LHFPL3: variants seen among roughly 807,000 people sequenced by gnomAD.
The protein encoded by LHFPL3 is LHFPL tetraspan subfamily member 3 protein.
In LHFPL3, 5 loss-of-function variants were observed where a neutral mutation model predicts 19.3. The observed-to-expected ratio is 0.26, with a 90% CI of 0.14 to 0.54. The LOEUF is 0.54. Ranked by LOEUF, LHFPL3 falls within the 20% of genes least tolerant of loss-of-function variation. The pLI, the probability that LHFPL3 is intolerant of heterozygous loss-of-function variation, is 0.94. For synonymous variants in LHFPL3, 133 were observed against 126.2 expected (o/e 1.05, Z -0.36); for missense variants, 249 against 307.4 (o/e 0.81, Z 1.42).
At chr7:104,498,363 C>T (rs1793529172) in intron 1 of LHFPL3, among the ~76,000 whole-genome samples, 3 of 152,206 alleles carry the variant, frequency 2.0e-5, no homozygotes, top group African/African-American at 7.2e-5. Context: ...TCACTCATTT[C>T]TGCCTTTCAT....
At chr7:104,765,083 A>G (rs963311129) in intron 2 of LHFPL3, among the ~76,000 whole-genome samples, 5 of 152,232 alleles carry the variant, frequency 3.3e-5, no homozygotes, top group African/African-American at 1.2e-4. Context: ...CTTGTGTTCT[A>G]AAAGAAGCAA....
chr7:104,714,839 G>A (rs1562971316), intron 1 of LHFPL3, among the ~76,000 whole-genome samples: 1 of 152,184 alleles, frequency 6.6e-6, no homozygotes, highest in African/African-American at 2.4e-5. Context: ...TTCTTAAAAT[G>A]TATAAAGAAC....
chr7:104,889,366 G>A (rs760233193), intron 2 of LHFPL3, among the ~76,000 whole-genome samples: 30 of 152,142 alleles, frequency 2.0e-4, no homozygotes, highest in East Asian at 3.9e-4. Context: ...CAGGCCGAGC[G>A]TGGTGGCTCA....
At chr7:104,627,028 T>G (rs1204258210) in intron 1 of LHFPL3, among the ~76,000 whole-genome samples, 1 of 152,188 alleles carries the variant, frequency 6.6e-6, no homozygotes, top group South Asian at 2.1e-4. Flanking sequence ...AAGTATATAA[T>G]ACGTTATTAT....
At chr7:104,712,121 A>G (rs1584492426) in intron 1 of LHFPL3, among the ~76,000 whole-genome samples, 1 of 152,220 alleles carries the variant, frequency 6.6e-6, no homozygotes, top group South Asian at 2.1e-4. Context: ...GATAGACCCA[A>G]TTTAATCATA....
chr7:104,347,854 A>G (rs747412017), intron 1 of LHFPL3, among the ~76,000 whole-genome samples: 5 of 151,648 alleles, frequency 3.3e-5, no homozygotes, highest in Non-Finnish European at 7.4e-5. Flanking sequence ...ATCGCCCATT[A>G]CACTCTAGCC....
At chr7:104,411,180 A>G (rs1184231806) in intron 1 of LHFPL3, among the ~76,000 whole-genome samples, 1 of 152,144 alleles carries the variant, frequency 6.6e-6, no homozygotes, top group East Asian at 1.9e-4. Context: ...ATGGTTTTGA[A>G]TATATTAACC....
chr7:104,879,617 C>T (rs989292555), intron 2 of LHFPL3, among the ~76,000 whole-genome samples: 5 of 152,038 alleles, frequency 3.3e-5, no homozygotes, highest in South Asian at 2.1e-4. Flanking sequence ...CCTAGCTACT[C>T]GAGAGGCTGA....
At chr7:104,891,227 C>A (rs775369067) in intron 2 of LHFPL3, among the ~76,000 whole-genome samples, 20 of 151,988 alleles carry the variant, frequency 1.3e-4, no homozygotes, top group Non-Finnish European at 2.5e-4. Context: ...GCAGCCCCCA[C>A]AATCACAGCA....
At position 104,668,923 on chromosome 7, in the gene LHFPL3, A is replaced by T. The variant is rs1389166695; in HGVS notation, c.446-67752A>T. ...GTTGCAGCGTCAGCTGGATGGGCCA[A>T]AACTAGAACGACGGCCTCGGGAGAG... is the stretch of plus-strand genomic sequence containing the variant. On this transcript the variant is annotated intron_variant, in intron 1 of 2. Coordinates refer to ENST00000424859, the MANE Select transcript of LHFPL3 (RefSeq NM_199000.3). 7.4e-6 allele frequency: 12 copies of T among 1,612,376 alleles called. No homozygotes were observed. The East Asian group carries it at 8.9e-5, about 12-fold the overall frequency.
At chr7:104,634,184 T>TA (rs1471260315) in intron 1 of LHFPL3, among the ~76,000 whole-genome samples, 1 of 152,208 alleles carries the variant, frequency 6.6e-6, no homozygotes, top group Non-Finnish European at 1.5e-5. Flanking sequence ...CCTATGTCAT[T>TA]TAACTAGCTC....
At chr7:104,648,670 C>T (rs113839932) in intron 1 of LHFPL3, among the ~76,000 whole-genome samples, 10 of 152,112 alleles carry the variant, frequency 6.6e-5, no homozygotes, top group African/African-American at 1.9e-4. Context: ...ATGTGTACAG[C>T]GCTTACTTTA....
chr7:104,435,259 C>T (rs1014372466), intron 1 of LHFPL3, among the ~76,000 whole-genome samples: 4 of 151,976 alleles, frequency 2.6e-5, no homozygotes, highest in African/African-American at 7.2e-5. Context: ...CCTCCTGCCT[C>T]AACCTCCCAA....
intron 2 of LHFPL3, among the ~76,000 whole-genome samples, chr7:104,754,874 C>T (rs1376490657): frequency 6.6e-6 from 1 of 152,070 alleles, no homozygotes. Context: ...ATTTTTTCCC[C>T]TTGTTTTCTC....
chr7:104,763,103 G>A (rs941474068), intron 2 of LHFPL3, among the ~76,000 whole-genome samples: 1 of 152,204 alleles, frequency 6.6e-6, no homozygotes, highest in Admixed American at 6.5e-5. Flanking sequence ...TAACCTCTTT[G>A]ATAACTATTC....
chr7:104,704,762 T>A (rs1016521911), intron 1 of LHFPL3, among the ~76,000 whole-genome samples: 1 of 152,016 alleles, frequency 6.6e-6, no homozygotes, highest in African/African-American at 2.4e-5. Context: ...CAGCCTCCCA[T>A]GTAGCTGGGA....
At chr7:104,543,303 T>C (rs1416865437) in intron 1 of LHFPL3, among the ~76,000 whole-genome samples, 1 of 152,098 alleles carries the variant, frequency 6.6e-6, no homozygotes, top group Non-Finnish European at 1.5e-5. Context: ...GGAACACTTT[T>C]ACACTGTTGG....
At position 104,872,860 on chromosome 7, in the gene LHFPL3, C is replaced by A. The variant is rs192691931; in HGVS notation, c.683-33327C>A. On this transcript the variant is annotated intron_variant, in intron 2 of 2. Transcript: ENST00000424859. The stretch of plus-strand genomic sequence containing the variant: ...TAAGTAGGAGTACACTCTAAAATAA[C>A]TATAAACAATAAATACCTAAACCAG... Among the ~76,000 whole-genome samples, 448 of 152,278 alleles carry A rather than the reference C, an allele frequency of 2.9e-3. 15 individuals are homozygous for A. The highest frequency in any genetic ancestry group is 0.026 in the Admixed American group (396 of 15,282).
chr7:104,775,894 G>T, intron 2 of LHFPL3, among the ~76,000 whole-genome samples: 1 of 147,892 alleles, frequency 6.8e-6, no homozygotes. Flanking sequence ...AAAAATGCAT[G>T]CTCACATTTT....
Sources: allele counts gnomAD v4.1 joint callset (sites outside exome capture counted in the v4.1 genomes callset), GRCh38; gene constraint gnomAD v4.1.1; transcripts MANE v1.5; gene names NCBI Gene and HGNC (gene_info 2026-07-23, HGNC 2026-07-21).